The following SPOCK3 variants were observed in gnomAD, a reference collection of about 807,000 sequenced individuals.
SPOCK3 encodes testican-3.
SPOCK3 carries 30 observed loss-of-function variants against 56.6 expected under a neutral mutation model. The ratio of observed to expected loss-of-function variants is 0.53; its 90% CI spans 0.40 to 0.72. The LOEUF is 0.72. SPOCK3 is among the 30% of genes least tolerant of loss of function. The pLI is 0.00. For synonymous variants in SPOCK3, 196 were observed against 183.3 expected, an observed-to-expected ratio of 1.07 and a Z score of -0.56; for missense variants, 527 against 530.0, an observed-to-expected ratio of 0.99 and a Z score of 0.06.
intron 6 of SPOCK3, among the ~76,000 whole-genome samples, chr4:166,837,823 A>G (rs1468158490): frequency 6.6e-6 from 1 of 151,854 alleles, no homozygotes; most frequent in East Asian, 1.9e-4. Flanking sequence ...TCTTTTTTCC[A>G]GACTTTCCTA....
At chr4:167,077,280 A>G (rs542260635) in intron 2 of SPOCK3, among the ~76,000 whole-genome samples, 34 of 151,986 alleles carry the variant, frequency 2.2e-4, no homozygotes, top group African/African-American at 7.5e-4. Flanking sequence ...ACACACACAC[A>G]CACACACATC....
At chr4:167,174,016 C>G (rs973095545) in intron 2 of SPOCK3, among the ~76,000 whole-genome samples, 1 of 152,218 alleles carries the variant, frequency 6.6e-6, no homozygotes, top group South Asian at 2.1e-4. Flanking sequence ...AAGTTAAGTT[C>G]TTTGCTACAT....
At chr4:167,078,344 G>C (rs891069318) in intron 2 of SPOCK3, among the ~76,000 whole-genome samples, 6 of 148,194 alleles carry the variant, frequency 4.0e-5, no homozygotes, top group Non-Finnish European at 9.0e-5. Flanking sequence ...GTGTGTGTGT[G>C]TGTGTGTGTG....
At chr4:166,844,669 T>A (rs1349202448) in intron 6 of SPOCK3, among the ~76,000 whole-genome samples, 2 of 150,642 alleles carry the variant, frequency 1.3e-5, no homozygotes, top group African/African-American at 4.8e-5. Context: ...TATGTATAGA[T>A]AAAGATAGAT....
chr4:166,781,640 T>A (rs77119644), intron 7 of SPOCK3, among the ~76,000 whole-genome samples: 14,285 of 152,082 alleles, frequency 0.094, 884 homozygotes, highest in Non-Finnish European at 0.15. Flanking sequence ...ATGAAAGACA[T>A]CAAACCACAG....
chr4:166,763,766 A>G (rs1737568137), intron 7 of SPOCK3, among the ~76,000 whole-genome samples: 1 of 152,170 alleles, frequency 6.6e-6, no homozygotes. Flanking sequence ...TATAAACCCT[A>G]GAGCAAACAC....
chr4:166,780,666 A>G (rs954810803), intron 7 of SPOCK3, among the ~76,000 whole-genome samples: 1 of 152,194 alleles, frequency 6.6e-6, no homozygotes, highest in South Asian at 2.1e-4. Context: ...AGTATAGACC[A>G]TTAAAGAACC....
intron 6 of SPOCK3, among the ~76,000 whole-genome samples, chr4:166,852,381 G>A (rs1207541613): frequency 6.6e-6 from 1 of 151,988 alleles, no homozygotes; most frequent in Non-Finnish European, 1.5e-5. Flanking sequence ...TGAAAACTGA[G>A]GTGCTGCCAT....
intron 3 of SPOCK3, among the ~76,000 whole-genome samples, chr4:167,059,616 T>A (rs1002871161): frequency 6.6e-6 from 1 of 151,838 alleles, no homozygotes; most frequent in African/African-American, 2.4e-5. Flanking sequence ...GATCTAGAAC[T>A]AGAAATACCA....
chr4:167,139,575 T>C (rs2150396408), intron 2 of SPOCK3, among the ~76,000 whole-genome samples: 1 of 152,104 alleles, frequency 6.6e-6, no homozygotes, highest in South Asian at 2.1e-4. Context: ...TATATAAAAG[T>C]GCTTTTATTT....
chr4:166,912,519 T>G (rs921938775), intron 5 of SPOCK3, 101 bp downstream of exon 5: 55 of 1,132,978 alleles, frequency 4.9e-5, no homozygotes, highest in Non-Finnish European at 6.4e-5. Context: ...ATAAGTTAAA[T>G]GAATAATTTG....
intron 7 of SPOCK3, among the ~76,000 whole-genome samples, chr4:166,787,479 A>G (rs1161248731): frequency 6.6e-6 from 1 of 152,204 alleles, no homozygotes; most frequent in Non-Finnish European, 1.5e-5. Flanking sequence ...GATTTTAATT[A>G]CTATTCAAGA....
intron 2 of SPOCK3, among the ~76,000 whole-genome samples, chr4:167,072,051 T>C (rs1756737695): frequency 6.6e-6 from 1 of 152,034 alleles, no homozygotes; most frequent in South Asian, 2.1e-4. Context: ...TCACTCACCC[T>C]GTACCAGGAA....
chr4:166,794,210 CAAA>C (rs10710162), intron 6 of SPOCK3, among the ~76,000 whole-genome samples: 29 of 73,612 alleles, frequency 3.9e-4, no homozygotes, highest in African/African-American at 9.7e-4. Flanking sequence ...GGTGATAAGG[CAAA>C]AAAAAAAAAA....
intron 5 of SPOCK3, among the ~76,000 whole-genome samples, chr4:166,901,137 C>T (rs2127055809): frequency 6.6e-6 from 1 of 152,220 alleles, no homozygotes; most frequent in East Asian, 1.9e-4. Context: ...TGCAAATCAC[C>T]TGTCAACACC....
intron 7 of SPOCK3, among the ~76,000 whole-genome samples, chr4:166,790,746 T>G (rs1337917723): frequency 1.3e-5 from 2 of 152,178 alleles, no homozygotes; most frequent in East Asian, 3.9e-4. Flanking sequence ...TATCTGGAAG[T>G]GCGCATCAGT....
At chr4:166,766,138 G>A (rs915646185) in intron 7 of SPOCK3, among the ~76,000 whole-genome samples, 8 of 152,152 alleles carry the variant, frequency 5.3e-5, no homozygotes, top group Non-Finnish European at 7.3e-5. Context: ...TGCAAACAGG[G>A]ACAATTTGAC....
intron 6 of SPOCK3, among the ~76,000 whole-genome samples, chr4:166,884,870 A>AAC (rs34910996): frequency 0.37 from 54,328 of 147,380 alleles, 10,616 homozygotes; most frequent in South Asian, 0.48. Flanking sequence ...AAACTGGTTA[A>AAC]ACACACACAC....
intron 2 of SPOCK3, among the ~76,000 whole-genome samples, chr4:167,109,068 T>TATATTTATATA (rs1760519799): frequency 3.4e-5 from 2 of 58,308 alleles, no homozygotes; most frequent in African/African-American, 1.5e-4. Flanking sequence ...ATAAATATTA[T>TATATTTATATA]ATATTTATAT....
Sources: allele counts gnomAD v4.1 joint callset (sites outside exome capture counted in the v4.1 genomes callset), GRCh38; gene constraint gnomAD v4.1.1; transcripts MANE v1.5; gene names NCBI Gene and HGNC (gene_info 2026-07-23, HGNC 2026-07-21).